The following IARS1 variants were observed in gnomAD, a reference collection of about 807,000 sequenced individuals.
IARS1 encodes isoleucine--tRNA ligase, cytoplasmic.
IARS1 carries 124 observed loss-of-function variants against 168.2 expected under a neutral mutation model. That is an observed-to-expected ratio of 0.74 (90% CI 0.64 to 0.86). The LOEUF is 0.86. Among genes scored for constraint, IARS1 ranks in the 40% least tolerant of loss-of-function variants. IARS1 has a pLI of 0.00. For missense variants in IARS1, 1,452 were observed against 1,515.8 expected (o/e 0.96, Z 0.70); for synonymous variants, 532 against 529.4 (o/e 1.00, Z -0.07).
Position 92,268,293 on chromosome 9 carries a change from C to CT in IARS1, c.1311dup (p.Glu438ArgfsTer17). 1 of 1,609,664 alleles carries CT rather than the reference C, an allele frequency of 6.2e-7. No individual in the cohort carries two copies. The highest frequency in any genetic ancestry group is 8.5e-7 in the Non-Finnish European group (1 of 1,179,026). ...CCAAATCGTTTTTCTCGTACCAACT[C>CT]TGGGACCCTGCAATAAACAGATCAC... On this transcript the variant is annotated frameshift_variant, in exon 14 of 34. Coordinates refer to ENST00000443024, the MANE Select transcript of IARS1 (RefSeq NM_002161.6). LOFTEE classifies it high-confidence loss of function.
chr9:92,258,819 C>G (rs560890712), intron 19 of IARS1, 35 bp downstream of exon 19: 2 of 1,556,288 alleles, frequency 1.3e-6, no homozygotes, highest in Non-Finnish European at 1.7e-6. Context: ...TGTGGAGACA[C>G]GGCAGGTACA....
intron 31 of IARS1, among the ~76,000 whole-genome samples, chr9:92,224,317 T>C (rs896424248): frequency 1.3e-5 from 2 of 152,104 alleles, no homozygotes; most frequent in African/African-American, 4.8e-5. Context: ...TGGGTGGAAA[T>C]CCTCCCAATG....
chr9:92,224,979 A>T (rs180897564), intron 31 of IARS1, among the ~76,000 whole-genome samples: 2 of 152,256 alleles, frequency 1.3e-5, no homozygotes, highest in African/African-American at 4.8e-5. Context: ...CCACAACATT[A>T]CTTCCACTCC....
At chr9:92,287,947 T>C in intron 3 of IARS1, 37 bp from the exon 4 acceptor site, 1 of 1,608,646 alleles carries the variant, frequency 6.2e-7, no homozygotes. Flanking sequence ...CACGCTGCCC[T>C]ATGAAAACAA....
chr9:92,293,611 C>G lies in IARS1; in HGVS notation c.-8G>C, dbSNP rs1836762848. 1 of 356,946 alleles carries G rather than the reference C, an allele frequency of 2.8e-6. No homozygotes were observed. The highest frequency in any genetic ancestry group is 5.8e-6 in the Non-Finnish European group (1 of 171,534). The allele number at this position is 356,946 out of a possible 1,614,324, so 22.1% of individuals were successfully genotyped here. The stretch of plus-strand genomic sequence containing the variant: ...ATCCTGCAGGGAAGAGAGGGCGTAC[C>G]TGAGGGGCCTCGCGTGCCTGGACAG... On this transcript the variant is annotated splice_region_variant and 5_prime_UTR_variant, in exon 1 of 34. Coordinates refer to ENST00000443024, the MANE Select transcript of IARS1 (RefSeq NM_002161.6).
intron 14 of IARS1, among the ~76,000 whole-genome samples, chr9:92,266,707 G>A (rs138356744): frequency 6.6e-6 from 1 of 152,264 alleles, no homozygotes; most frequent in East Asian, 1.9e-4. Flanking sequence ...AGAGCTGACT[G>A]TTGAAAAGAG....
In IARS1 at chr9:92,288,052, G is replaced by C. The variant is rs980411608; in HGVS notation, c.276+74C>G. ...CTGACAGTCAACGTTCATCATACTT[G>C]AACATATTATATGACAAAATCTAAT... On this transcript the variant is annotated intron_variant, in intron 3 of 33. Transcript: ENST00000443024. 2.6e-6 allele frequency: 4 copies of C among 1,531,134 alleles called. No homozygotes were observed. The South Asian group carries it at 3.5e-5, about 13-fold the overall frequency. The allele number at this position is 1,531,134 out of a possible 1,614,324, so 94.8% of individuals were successfully genotyped here. A position where few individuals can be genotyped will look rare whatever the true frequency, so the allele number is the denominator to read the frequency against.
intron 30 of IARS1, 27 bp downstream of exon 30, chr9:92,240,829 C>A: frequency 7.0e-7 from 1 of 1,437,434 alleles, no homozygotes; most frequent in Non-Finnish European, 9.8e-7. Flanking sequence ...AAAAAAAAGT[C>A]ACACAAATCA....
intron 27 of IARS1, chr9:92,243,538 T>C (rs1828754794): frequency 2.4e-6 from 1 of 415,270 alleles, no homozygotes; most frequent in South Asian, 2.5e-5. Context: ...TTTCTTGTTT[T>C]TTTGTAGGGT....
In IARS1 at chr9:92,243,053, G is replaced by A. The variant is rs569010152; in HGVS notation, c.3000+163C>T. 3.6e-4 allele frequency: 200 copies of A among 559,244 alleles called. 1 individual carries two copies. The East Asian group carries it at 6.0e-3, about 17-fold the overall frequency. 34.6% of individuals were successfully genotyped at this position (559,244 alleles called of 1,614,324 possible). ...GGGAGTGAACACGTGGGGAGAGGAA[G>A]AGGAGTGACTTTTCTGCAGAATACA... is the stretch of plus-strand genomic sequence containing the variant. On this transcript the variant is annotated intron_variant, in intron 28 of 33. Coordinates refer to ENST00000443024, the MANE Select transcript of IARS1 (RefSeq NM_002161.6).
chr9:92,268,394 T>C (rs1444710914), intron 13 of IARS1, 94 bp from the exon 14 acceptor site: 2 of 1,263,236 alleles, frequency 1.6e-6, no homozygotes, highest in Non-Finnish European at 2.2e-6. Context: ...TAACGCTTTG[T>C]GGACCAAACA....
intron 2 of IARS1, 73 bp from the exon 3 acceptor site, chr9:92,288,355 CTT>C: frequency 7.8e-7 from 1 of 1,287,104 alleles, no homozygotes; most frequent in Non-Finnish European, 1.1e-6. Flanking sequence ...ATAGATAGCT[CTT>C]GTCATAGTGG....
At chr9:92,239,667 C>T (rs1828070936) in intron 30 of IARS1, among the ~76,000 whole-genome samples, 1 of 152,132 alleles carries the variant, frequency 6.6e-6, no homozygotes, top group South Asian at 2.1e-4. Context: ...GAAATCTAGG[C>T]TTTCCATGTG....
At chr9:92,237,742 T>C (rs1009486390) in intron 30 of IARS1, among the ~76,000 whole-genome samples, 1 of 152,234 alleles carries the variant, frequency 6.6e-6, no homozygotes, top group African/African-American at 2.4e-5. Context: ...GTCTGTTTCA[T>C]CTAATACAAA....
intron 33 of IARS1, among the ~76,000 whole-genome samples, chr9:92,214,215 G>A (rs1310990806): frequency 6.6e-6 from 1 of 151,714 alleles, no homozygotes; most frequent in East Asian, 2.0e-4. Flanking sequence ...AAACATAACA[G>A]AACAAGCAGA....
chr9:92,256,786 T>G lies in IARS1; in HGVS notation c.2031A>C (p.Glu677Asp), dbSNP rs1830789754. The G allele has an allele frequency of 1.2e-6, 2 of 1,612,796 alleles. No individual in the cohort carries two copies. Among genetic ancestry groups the G allele is most frequent in the Admixed American group, 1.7e-5 (1 of 59,952 alleles). Residue 677 changes from glutamate to aspartate, a missense_variant, in exon 20 of 34, where the codon GAA becomes GAC. Transcript: ENST00000443024. ...VLRLQKEEEI[E>D]FLYNENTVRE... ...TAACCGTGTTCTCATTGTAGAGAAA[T>G]TCTATTTCTTCCTCCTAGGAAGGAA...
intron 33 of IARS1, among the ~76,000 whole-genome samples, chr9:92,218,352 G>A (rs1399897871): frequency 7.2e-6 from 1 of 139,106 alleles, no homozygotes; most frequent in East Asian, 2.0e-4. Context: ...GCATTCCCTT[G>A]GAAAACTGGC....
At chr9:92,253,549 C>T (rs903870869) in intron 20 of IARS1, 96 bp from the exon 21 acceptor site, 14 of 739,004 alleles carry the variant, frequency 1.9e-5, no homozygotes, top group Admixed American at 9.3e-5. Flanking sequence ...CAGCTCCTTC[C>T]ATCCAAGTGC....
chr9:92,223,534 C>T, intron 31 of IARS1, 45 bp from the exon 32 acceptor site: 1 of 1,532,244 alleles, frequency 6.5e-7, no homozygotes, highest in Non-Finnish European at 9.0e-7. Flanking sequence ...CGAACAAATT[C>T]AAAACTGAAG....
Sources: allele counts gnomAD v4.1 joint callset (sites outside exome capture counted in the v4.1 genomes callset), GRCh38; gene constraint gnomAD v4.1.1; transcripts MANE v1.5; gene names NCBI Gene and HGNC (gene_info 2026-07-23, HGNC 2026-07-21).